Variants in ABCC9 observed in about 807,000 individuals in gnomAD.
The protein encoded by ABCC9 is ATP-binding cassette sub-family C member 9.
In ABCC9, 95 loss-of-function variants were observed where a neutral mutation model predicts 188.3. The observed-to-expected ratio is 0.50, with a 90% confidence interval of 0.43 to 0.60. The LOEUF (loss-of-function observed/expected upper bound fraction) is 0.60, where lower values mean the gene tolerates loss of function less well. ABCC9 is among the 20% of genes least tolerant of loss of function. The pLI, the probability that ABCC9 is intolerant of heterozygous loss-of-function variation, is 0.00. For missense variants in ABCC9, 1,102 were observed against 1,876.3 expected (o/e 0.59, Z 7.62); for synonymous variants, 659 against 652.7 (o/e 1.01, Z -0.15).
chr12:21,916,453 T>C (rs965621815), intron 6 of ABCC9, among the ~76,000 whole-genome samples: 5 of 152,204 alleles, frequency 3.3e-5, no homozygotes, highest in African/African-American at 1.2e-4. Context: ...GTACAATCAA[T>C]ATGCAATTAC....
At chr12:21,851,983 C>T in intron 24 of ABCC9, 114 bp downstream of exon 24, 1 of 1,242,470 alleles carries the variant, frequency 8.0e-7, no homozygotes, top group Non-Finnish European at 1.1e-6. Flanking sequence ...CAGATAAAGA[C>T]CATTATATTA....
intron 4 of ABCC9, among the ~76,000 whole-genome samples, chr12:21,931,629 A>G (rs563180434): frequency 6.6e-6 from 1 of 152,300 alleles, no homozygotes; most frequent in South Asian, 2.1e-4. Context: ...GACTGAATCT[A>G]CATATCAACC....
At chr12:21,848,837 A>G (rs569137300) in intron 24 of ABCC9, among the ~76,000 whole-genome samples, 1 of 146,060 alleles carries the variant, frequency 6.8e-6, no homozygotes, top group African/African-American at 2.4e-5. Flanking sequence ...TGTAAGAGAA[A>G]GCCCTAGGAG....
chr12:21,810,285 G>T (rs1031316746), intron 36 of ABCC9, among the ~76,000 whole-genome samples: 2 of 152,064 alleles, frequency 1.3e-5, no homozygotes, highest in Non-Finnish European at 2.9e-5. Context: ...AAATATTCCT[G>T]CAGGACTGAT....
chr12:21,837,459 A>T (rs1246677658), intron 30 of ABCC9, among the ~76,000 whole-genome samples: 2 of 152,188 alleles, frequency 1.3e-5, no homozygotes, highest in Non-Finnish European at 2.9e-5. Flanking sequence ...TCAATTTTCT[A>T]GATTAAATGA....
chr12:21,859,059 C>T (rs111587670), intron 22 of ABCC9, among the ~76,000 whole-genome samples: 5 of 152,200 alleles, frequency 3.3e-5, no homozygotes, highest in South Asian at 2.1e-4. Context: ...TCATTCATGA[C>T]GTTTTTAAAG....
intron 3 of ABCC9, among the ~76,000 whole-genome samples, chr12:21,936,320 G>T (rs1329032935): frequency 6.6e-6 from 1 of 151,976 alleles, no homozygotes; most frequent in East Asian, 1.9e-4. Flanking sequence ...CTACCTGAAG[G>T]CCATGCCTAA....
intron 5 of ABCC9, among the ~76,000 whole-genome samples, chr12:21,922,338 A>C (rs901470949): frequency 3.3e-5 from 5 of 151,904 alleles, no homozygotes; most frequent in African/African-American, 1.2e-4. Context: ...AATAATATTT[A>C]TTGATTTGCA....
At chr12:21,813,904 GATA>G (rs547738726) in intron 35 of ABCC9, among the ~76,000 whole-genome samples, 162 of 152,266 alleles carry the variant, frequency 1.1e-3, no homozygotes, top group Admixed American at 3.6e-3. Context: ...AATCATTACA[GATA>G]ATAATAGTAA....
intron 4 of ABCC9, among the ~76,000 whole-genome samples, chr12:21,928,343 A>AGG (rs1565493933): frequency 8.0e-4 from 86 of 107,608 alleles, no homozygotes; most frequent in African/African-American, 3.0e-3. Flanking sequence ...AAGGAAGGGA[A>AGG]GAAAAAGAGA....
At chr12:21,848,324 T>A in intron 24 of ABCC9, 78 bp from the exon 25 acceptor site, 1 of 1,273,842 alleles carries the variant, frequency 7.9e-7, no homozygotes, top group Non-Finnish European at 1.1e-6. Context: ...CTCACACGTG[T>A]AAATGGTTAG....
At chr12:21,807,246 A>G in intron 38 of ABCC9, 100 bp downstream of exon 38, 2 of 1,499,104 alleles carry the variant, frequency 1.3e-6, no homozygotes, top group South Asian at 1.1e-5. Context: ...TCAAAACAAT[A>G]GTACTGAGGA....
intron 15 of ABCC9, among the ~76,000 whole-genome samples, chr12:21,883,853 G>A (rs566436494): frequency 6.6e-6 from 1 of 152,154 alleles, no homozygotes; most frequent in Admixed American, 6.5e-5. Context: ...TTTATAAAGA[G>A]GATGCCAGCT....
At chr12:21,837,977 G>T in intron 30 of ABCC9, 101 bp downstream of exon 30, 1 of 987,790 alleles carries the variant, frequency 1.0e-6, no homozygotes, top group Non-Finnish European at 1.6e-6. Flanking sequence ...CACACAATGG[G>T]GAGATCAAAC....
chr12:21,852,498 G>A lies in ABCC9; in HGVS notation c.2513C>T (p.Pro838Leu), dbSNP rs1945020550. The change falls in exon 23 of 40, where the codon CCA becomes CTA. Residue 838 changes from proline to leucine, a missense_variant. Pro to Leu is a moderately conservative substitution (Grantham distance 98). This residue lies in a region of ABCC9 where 31 missense variants were observed against 78.8 expected (regional missense o/e 0.39). Transcript: ENST00000261200. ...CAAGTGAATGTCCAGGGCTGAGAATGGATCATCCTGCAATCAGTAAAATGG... is the reference window on the plus strand; with the variant it reads ...CAAGTGAATGTCCAGGGCTGAGAATAGATCATCCTGCAATCAGTAAAATGG... ...QNTNIVFLDD[P>L]FSALDIHLSD... 1 of 1,610,506 alleles carries A rather than the reference G, an allele frequency of 6.2e-7. No individual in the cohort carries two copies. The highest frequency in any genetic ancestry group is 1.1e-5 in the South Asian group (1 of 91,076).
chr12:21,807,203 A>G (rs926761109), intron 38 of ABCC9, 143 bp downstream of exon 38: 10 of 1,088,102 alleles, frequency 9.2e-6, no homozygotes, highest in Middle Eastern at 2.0e-4. Flanking sequence ...ATGTGCTATC[A>G]TCAGTTCATC....
At chr12:21,925,261 C>T (rs902448907) in intron 5 of ABCC9, 31 of 467,566 alleles carry the variant, frequency 6.6e-5, no homozygotes, top group African/African-American at 2.0e-4. Flanking sequence ...CATATAGATG[C>T]GTTATATAAT....
At chr12:21,814,584 T>C in intron 35 of ABCC9, 60 bp downstream of exon 35, 1 of 1,367,276 alleles carries the variant, frequency 7.3e-7, no homozygotes. Context: ...TTAGGTAAAT[T>C]GATGTTTTTT....
chr12:21,934,042 A>C lies in ABCC9; in HGVS notation c.143-119T>G, dbSNP rs6487252. On this transcript the variant is annotated intron_variant, in intron 3 of 39. Coordinates refer to ENST00000261200, the MANE Select transcript of ABCC9 (RefSeq NM_020297.4). Reference sequence around the variant, plus strand: ...GGGTGGGGGGGTCCTGAAACCTTAAAACTTTCTAGAGTAGCAATGGAAATC... The same window carrying C: ...GGGTGGGGGGGTCCTGAAACCTTAACACTTTCTAGAGTAGCAATGGAAATC... 1 allele frequency: 955,214 copies of C among 955,548 alleles called. 477,440 individuals are homozygous for C. Among genetic ancestry groups the C allele is most frequent in the Middle Eastern group, 1 (4,590 of 4,590 alleles). 59.2% of individuals were successfully genotyped at this position (955,548 alleles called of 1,614,324 possible).
Sources: gnomAD v4.1 joint callset for allele counts (sites outside exome capture counted in the v4.1 genomes callset) on GRCh38, gnomAD v4.1.1 for gene constraint, gnomAD v4.1.1 regional missense constraint, MANE v1.5 for transcripts, NCBI Gene and HGNC (gene_info 2026-07-23, HGNC 2026-07-21) for gene names.